Variants in MYRIP observed in about 807,000 individuals in gnomAD.
MYRIP encodes myosin VIIA and Rab interacting protein.
Under a neutral mutation model 98.0 loss-of-function variants are expected in MYRIP, and 49 were observed. That is an observed-to-expected ratio of 0.50 (90% confidence interval 0.40 to 0.63). MYRIP has a LOEUF of 0.63. Among genes scored for constraint, MYRIP ranks in the 30% least tolerant of loss-of-function variants. MYRIP has a pLI of 0.00. For synonymous variants in MYRIP, 404 were observed against 409.5 expected (o/e 0.99, Z 0.16); for missense variants, 1,004 against 1,058.2 (o/e 0.95, Z 0.71).
At position 40,170,071 on chromosome 3, in the gene MYRIP, A is replaced by G; in HGVS notation, c.851A>G (p.Tyr284Cys). The change falls in exon 8 of 17, where the codon TAC (tyrosine) becomes TGC (cysteine). Residue 284 changes from tyrosine to cysteine, a missense_variant. By Grantham distance (194) the Tyr-to-Cys change is radical. Transcript: ENST00000302541. ...GGGACCTCAGCATCCCCTGGAGGCT[A>G]CCGTGCTCCCGCTGCCCTCTGGGTG... is the stretch of plus-strand genomic sequence containing the variant. ...DEGTSASPGG[Y>C]RAPAALWRSQ... The G allele has an allele frequency of 6.2e-7, 1 of 1,614,222 alleles. No individual in the cohort carries two copies. Among genetic ancestry groups the G allele is most frequent in the Non-Finnish European group, 8.5e-7 (1 of 1,180,038 alleles).
In MYRIP at chr3:40,009,236, TC is replaced by T. The variant is rs1252417261; in HGVS notation, c.111-34813del. Among the ~76,000 whole-genome samples, 4 of 146,136 alleles carry T rather than the reference TC, an allele frequency of 2.7e-5. No individual in the cohort carries two copies. In the East Asian group the frequency reaches 8.2e-4, roughly 30 times the overall value. On this transcript the variant is annotated intron_variant, in intron 2 of 16. Transcript: ENST00000302541. ...AGTGGAGGGATGACAAACTGCTACT[TC>T]TTTTTTTTTTTTTTTTTGAGACGGA...
intron 10 of MYRIP, among the ~76,000 whole-genome samples, chr3:40,195,484 TG>T (rs909644371): frequency 6.6e-6 from 1 of 152,072 alleles, no homozygotes; most frequent in African/African-American, 2.4e-5. Context: ...TCTGTAGAAA[TG>T]GGGTCTTGCC....
intron 2 of MYRIP, among the ~76,000 whole-genome samples, chr3:39,976,847 G>A (rs1025037385): frequency 2.0e-5 from 3 of 152,070 alleles, no homozygotes; most frequent in African/African-American, 7.2e-5. Context: ...ATTGAACAAT[G>A]AGAACACATG....
At chr3:40,002,542 A>T (rs1157292688) in intron 2 of MYRIP, among the ~76,000 whole-genome samples, 1 of 152,112 alleles carries the variant, frequency 6.6e-6, no homozygotes, top group Non-Finnish European at 1.5e-5. Context: ...TCTAAAAAAA[A>T]AAAAAGAAAA....
chr3:40,216,443 A>G (rs1207564634), intron 11 of MYRIP, among the ~76,000 whole-genome samples: 1 of 152,182 alleles, frequency 6.6e-6, no homozygotes, highest in African/African-American at 2.4e-5. Context: ...TAGAAAATAT[A>G]AAAACTAAAG....
intron 2 of MYRIP, among the ~76,000 whole-genome samples, chr3:39,954,045 G>A (rs2125721556): frequency 6.6e-6 from 1 of 152,280 alleles, no homozygotes; most frequent in East Asian, 1.9e-4. Context: ...CCGCAGCTCA[G>A]GGAGTCCTAT....
intron 2 of MYRIP, among the ~76,000 whole-genome samples, chr3:40,014,726 G>T (rs1343687551): frequency 6.6e-6 from 1 of 152,178 alleles, no homozygotes; most frequent in Admixed American, 6.5e-5. Context: ...GAGGCTCAAA[G>T]GCTGGTGACC....
intron 1 of MYRIP, among the ~76,000 whole-genome samples, chr3:39,869,012 G>C (rs1227054107): frequency 6.6e-6 from 1 of 152,166 alleles, no homozygotes; most frequent in Non-Finnish European, 1.5e-5. Context: ...GTTTTTGACA[G>C]TTTGACTGTG....
intron 1 of MYRIP, among the ~76,000 whole-genome samples, chr3:39,900,563 A>G (rs959748474): frequency 4.6e-5 from 7 of 151,802 alleles, no homozygotes; most frequent in African/African-American, 1.7e-4. Context: ...TTAATTTAAG[A>G]ATTGGGATGA....
At position 40,245,492 on chromosome 3, in the gene MYRIP, C is replaced by CA. The variant is rs535314025; in HGVS notation, c.2262+892dup. The stretch of plus-strand genomic sequence containing the variant: ...TGAAACCCCATCTCTACTAAAAATA[C>CA]AAAAAAATTAGCCGGGAGTGGTGGC... On this transcript the variant is annotated intron_variant, in intron 13 of 16. Transcript: ENST00000302541. Among the ~76,000 whole-genome samples, 38 of 151,552 alleles carry CA rather than the reference C, an allele frequency of 2.5e-4. No individual in the cohort carries two copies. The East Asian group carries it at 4.7e-3, about 19-fold the overall frequency.
intron 10 of MYRIP, among the ~76,000 whole-genome samples, chr3:40,197,732 G>C (rs1192881946): frequency 6.6e-6 from 1 of 152,174 alleles, no homozygotes; most frequent in Non-Finnish European, 1.5e-5. Context: ...ACTGCTATCA[G>C]ACACTGTGTC....
At chr3:40,052,873 T>C (rs1233653069) in intron 3 of MYRIP, among the ~76,000 whole-genome samples, 2 of 152,182 alleles carry the variant, frequency 1.3e-5, no homozygotes, top group Admixed American at 6.6e-5. Context: ...TAAACTCTTA[T>C]ATTAAAATGT....
chr3:39,832,330 T>C (rs1399515052), intron 1 of MYRIP, among the ~76,000 whole-genome samples: 2 of 152,248 alleles, frequency 1.3e-5, no homozygotes. Context: ...TTGCTTCCTT[T>C]CTTCCTATTA....
At chr3:40,093,034 G>T (rs1265223709) in intron 3 of MYRIP, among the ~76,000 whole-genome samples, 1 of 152,120 alleles carries the variant, frequency 6.6e-6, no homozygotes, top group Admixed American at 6.5e-5. Context: ...CTGTTGTGCT[G>T]AACCCCTCCC....
chr3:39,917,471 ATT>A (rs1491045017), intron 2 of MYRIP, among the ~76,000 whole-genome samples: 2 of 110,624 alleles, frequency 1.8e-5, no homozygotes, highest in South Asian at 3.0e-4. Context: ...AAATAGGAAA[ATT>A]AAAAAAAAAA....
At chr3:39,897,304 T>C (rs747982014) in intron 1 of MYRIP, among the ~76,000 whole-genome samples, 1 of 152,226 alleles carries the variant, frequency 6.6e-6, no homozygotes, top group African/African-American at 2.4e-5. Context: ...GTAAGCCCCA[T>C]GAAGGCAATA....
chr3:40,007,093 A>G (rs575656868), intron 2 of MYRIP, among the ~76,000 whole-genome samples: 1 of 152,332 alleles, frequency 6.6e-6, no homozygotes, highest in South Asian at 2.1e-4. Context: ...TGGAGAAATA[A>G]CTGATATTGG....
rs527771334 is a variant in MYRIP at position 40,250,556 on chromosome 3, T to C, written c.2428+57T>C. 4.4e-6 allele frequency: 7 copies of C among 1,586,828 alleles called. No individual in the cohort carries two copies. The African/African-American group carries it at 9.4e-5, about 21-fold the overall frequency. On this transcript the variant is annotated intron_variant, in intron 15 of 16. Transcript: ENST00000302541. ...AAAATTAAGCCTGAATCATTTACTT[T>C]GGGTAACAAAGAGACCTGAGTTTGA...
intron 1 of MYRIP, among the ~76,000 whole-genome samples, chr3:39,835,164 C>T (rs1033987958): frequency 2.0e-5 from 3 of 152,032 alleles, no homozygotes; most frequent in African/African-American, 7.3e-5. Context: ...GAATATGAAA[C>T]AGCAGAACCC....
Sources: gnomAD v4.1 joint callset for allele counts (sites outside exome capture counted in the v4.1 genomes callset) on GRCh38, gnomAD v4.1.1 for gene constraint, MANE v1.5 for transcripts, NCBI Gene and HGNC (gene_info 2026-07-23, HGNC 2026-07-21) for gene names.